The following GLMN variants were observed in gnomAD, a reference collection of about 807,000 sequenced individuals.
The protein encoded by GLMN is glomulin.
In GLMN, 75 loss-of-function variants were observed where a neutral mutation model predicts 87.8. The observed-to-expected ratio is 0.85, with a 90% CI of 0.71 to 1.04. The LOEUF is 1.04. Ranked by LOEUF, GLMN falls within the 50% of genes least tolerant of loss-of-function variation. The pLI is 0.00. For missense variants in GLMN, 588 were observed against 658.8 expected (o/e 0.89, Z 1.18); for synonymous variants, 206 against 221.6 (o/e 0.93, Z 0.63).
chr1:92,317,840 G>C, the GLMN span, among the ~76,000 whole-genome samples: 2 of 152,122 alleles, frequency 1.3e-5, no homozygotes, highest in African/African-American at 4.8e-5. Context: ...GCATAAAGCT[G>C]TCTTAAATTG....
At chr1:92,268,164 A>G in intron 9 of GLMN, 29 bp from the exon 10 acceptor site, 2 of 1,173,772 alleles carry the variant, frequency 1.7e-6, no homozygotes, top group Non-Finnish European at 2.5e-6. Flanking sequence ...ATTTATCATG[A>G]ATTTGTAAAC....
At chr1:92,262,951 T>C in intron 15 of GLMN, 25 bp from the exon 16 acceptor site, 1 of 900,212 alleles carries the variant, frequency 1.1e-6, no homozygotes, top group African/African-American at 1.6e-5. Flanking sequence ...TATATGTTAC[T>C]TACAGTATGG....
chr1:92,324,349 AC>A, the GLMN span: 4 of 1,613,578 alleles, frequency 2.5e-6, no homozygotes, highest in Non-Finnish European at 3.4e-6. Context: ...GGGTGAAGAA[AC>A]CACCAAATCA....
the GLMN span, among the ~76,000 whole-genome samples, chr1:92,343,435 A>C: frequency 2.0e-5 from 3 of 152,298 alleles, no homozygotes; most frequent in African/African-American, 7.2e-5. Context: ...TATTAAACCC[A>C]TATCTTTCAG....
the GLMN span, among the ~76,000 whole-genome samples, chr1:92,313,860 G>A: frequency 6.6e-6 from 1 of 152,146 alleles, no homozygotes; most frequent in Admixed American, 6.5e-5. Flanking sequence ...AGCACTTGTG[G>A]CTTCACCTTG....
intron 16 of GLMN, among the ~76,000 whole-genome samples, chr1:92,250,550 T>C (rs868053548): frequency 1.6e-4 from 24 of 152,206 alleles, no homozygotes; most frequent in African/African-American, 5.5e-4. Flanking sequence ...ATACTGTTTT[T>C]CAAATTATTT....
At chr1:92,361,568 T>C in the GLMN span, among the ~76,000 whole-genome samples, 17 of 152,322 alleles carry the variant, frequency 1.1e-4, no homozygotes, top group Non-Finnish European at 2.2e-4. Context: ...GTAATCTGTA[T>C]AATGATTCAT....
rs757008889 is a variant in GLMN, at chr1:92,271,652, C to G, written c.736G>C (p.Gly246Arg). Reference sequence around the variant, plus strand: ...GGGTGTCCAATTGCTGATAAAAAACCCTATGAAATGGATAAAAAAGGAAAC... The same window carrying G: ...GGGTGTCCAATTGCTGATAAAAAACGCTATGAAATGGATAAAAAAGGAAAC... ...PFRYFASEII[G>R]FLSAIGHPFP... The change falls in exon 8 of 19, where the codon GGT becomes CGT. Residue 246 changes from glycine (G) to arginine (R), a missense_variant and splice_region_variant. Gly to Arg is a moderately radical substitution (Grantham distance 125). Coordinates refer to ENST00000370360, the MANE Select transcript of GLMN (RefSeq NM_053274.3). 1.9e-6 allele frequency: 3 copies of G among 1,606,774 alleles called. No individual in the cohort carries two copies. In the South Asian group the frequency reaches 3.3e-5, roughly 18 times the overall value.
At chr1:92,290,668 T>G (rs1262304128) in intron 4 of GLMN, among the ~76,000 whole-genome samples, 2 of 152,224 alleles carry the variant, frequency 1.3e-5, no homozygotes, top group Non-Finnish European at 2.9e-5. Context: ...TTTTGTATTT[T>G]TTGAACAGGT....
chr1:92,309,211 AG>A, the GLMN span, among the ~76,000 whole-genome samples: 1 of 152,080 alleles, frequency 6.6e-6, no homozygotes. Context: ...TGGGAGGCCG[AG>A]GGGGGCAGAT....
At chr1:92,323,688 T>C in the GLMN span, 7 of 1,613,766 alleles carry the variant, frequency 4.3e-6, no homozygotes, top group Non-Finnish European at 5.9e-6. Flanking sequence ...GTCACAAAGC[T>C]AACTCCAAAC....
In GLMN at chr1:92,288,973, G is replaced by A. The variant is rs1362274452; in HGVS notation, c.573C>T (p.Val191=). ...IEFTKPFVEE[V]IDNKENSLEN... is the part of the protein sequence containing the mutation. ...CCAGTGAGTTTTCTTTGTTATCAAT[G>A]ACTTCTTCCACAAAAGGCTTAGTGA... The change falls in exon 6 of 19, where the codon GTC becomes GTT. Residue 191 remains valine, a synonymous_variant. Coordinates refer to ENST00000370360, the MANE Select transcript of GLMN (RefSeq NM_053274.3). The A allele has an allele frequency of 3.1e-6, 5 of 1,611,916 alleles. No homozygotes were observed. The highest frequency in any genetic ancestry group is 4.2e-6 in the Non-Finnish European group (5 of 1,178,208).
At chr1:92,322,704 A>C in the GLMN span, among the ~76,000 whole-genome samples, 4 of 150,878 alleles carry the variant, frequency 2.7e-5, no homozygotes, top group African/African-American at 9.7e-5. Context: ...GCAAAACTCC[A>C]TCTCTACTAA....
At chr1:92,254,475 C>A (rs1467467532) in intron 16 of GLMN, among the ~76,000 whole-genome samples, 1 of 152,096 alleles carries the variant, frequency 6.6e-6, no homozygotes, top group African/African-American at 2.4e-5. Flanking sequence ...ATCAGATTCA[C>A]CAAGGTTGAA....
intron 7 of GLMN, among the ~76,000 whole-genome samples, chr1:92,285,746 C>T (rs1648674707): frequency 6.6e-6 from 1 of 152,162 alleles, no homozygotes; most frequent in Non-Finnish European, 1.5e-5. Flanking sequence ...ACTCATGTAG[C>T]TGAACATGGC....
chr1:92,319,288 G>T, the GLMN span, among the ~76,000 whole-genome samples: 224 of 152,254 alleles, frequency 1.5e-3, no homozygotes, highest in Non-Finnish European at 2.9e-3. Flanking sequence ...GTTATTATGA[G>T]CTTTACTGTC....
At chr1:92,271,703 C>T in intron 7 of GLMN, 51 bp from the exon 8 acceptor site, 2 of 1,248,660 alleles carry the variant, frequency 1.6e-6, no homozygotes, top group Non-Finnish European at 2.4e-6. Context: ...CTAAAATGCC[C>T]CCCACCCCGT....
chr1:92,291,885 A>G (rs911272310), intron 3 of GLMN, among the ~76,000 whole-genome samples: 17 of 152,192 alleles, frequency 1.1e-4, no homozygotes, highest in African/African-American at 4.1e-4. Flanking sequence ...CTTATTCATA[A>G]AGAAATCCAG....
intron 14 of GLMN, 24 bp from the exon 15 acceptor site, chr1:92,263,756 GAA>G (rs774904944): frequency 2.6e-5 from 29 of 1,104,984 alleles, no homozygotes; most frequent in Non-Finnish European, 4.1e-5. Flanking sequence ...GAAAAATTGA[GAA>G]AGCTTTATAA....
Sources: allele counts gnomAD v4.1 joint callset (sites outside exome capture counted in the v4.1 genomes callset), GRCh38; gene constraint gnomAD v4.1.1; transcripts MANE v1.5; gene names NCBI Gene and HGNC (gene_info 2026-07-23, HGNC 2026-07-21).